RPTOR: variants seen among roughly 807,000 people sequenced by gnomAD.
The protein encoded by RPTOR is regulatory associated protein of MTOR complex 1.
RPTOR carries 21 observed loss-of-function variants against 169.9 expected under a neutral mutation model. The observed-to-expected ratio is 0.12, with a 90% CI of 0.09 to 0.18. The LOEUF (loss-of-function observed/expected upper bound fraction) is 0.18, where lower values mean the gene tolerates loss of function less well. Ranked by LOEUF, RPTOR falls within the 10% of genes least tolerant of loss-of-function variation. The probability of loss-of-function intolerance (pLI) is 1.00; values close to 1 mark genes in which losing one functional copy is unlikely to be tolerated. For missense variants in RPTOR, 1,133 were observed against 1,855.9 expected (o/e 0.61, Z 7.16); for synonymous variants, 732 against 753.2 (o/e 0.97, Z 0.46).
At chr17:80,889,212 G>A (rs1372157973) in intron 17 of RPTOR, among the ~76,000 whole-genome samples, 1 of 152,250 alleles carries the variant, frequency 6.6e-6, no homozygotes, top group Non-Finnish European at 1.5e-5. Flanking sequence ...GAATCCTGGG[G>A]GTTTGGGTCT....
At chr17:80,924,325 G>A (rs548812597) in intron 23 of RPTOR, among the ~76,000 whole-genome samples, 3 of 152,200 alleles carry the variant, frequency 2.0e-5, no homozygotes, top group Admixed American at 6.5e-5. Flanking sequence ...GGTTCAGGGC[G>A]CACCCAGCAC....
chr17:80,898,192 T>C (rs4969291), intron 20 of RPTOR, among the ~76,000 whole-genome samples: 110,485 of 152,092 alleles, frequency 0.73, 40,536 homozygotes, highest in Admixed American at 0.79. Flanking sequence ...CTTCTAGGAT[T>C]TTATTCATTT....
chr17:80,723,766 A>G (rs1276341785), intron 4 of RPTOR, among the ~76,000 whole-genome samples: 2 of 151,398 alleles, frequency 1.3e-5, no homozygotes, highest in Non-Finnish European at 2.9e-5. Flanking sequence ...TGATTTGCGT[A>G]TCTATGTACA....
Position 80,860,605 on chromosome 17 carries a change from G to A in RPTOR, c.1509+2705G>A, listed in dbSNP as rs369883531. Among the ~76,000 whole-genome samples the A allele has an allele frequency of 7.9e-5, 12 of 152,190 alleles. No homozygotes were observed. The highest frequency in any genetic ancestry group is 2.4e-4 in the African/African-American group (10 of 41,526). On this transcript the variant is annotated intron_variant, in intron 13 of 33. Coordinates refer to ENST00000306801, the MANE Select transcript of RPTOR (RefSeq NM_020761.3). This position sits in a 1 kb window ranked among gnomAD's most constrained non-coding sequence, Gnocchi z 5.8. ...GCAGTGGGGAGGCTGCTGCCGAAGCGGACGGTGAGGGCTTCCACCTTGGAG... is the reference window on the plus strand; with the variant it reads ...GCAGTGGGGAGGCTGCTGCCGAAGCAGACGGTGAGGGCTTCCACCTTGGAG...
intron 7 of RPTOR, chr17:80,805,177 A>G (rs2067206087): frequency 6.6e-6 from 1 of 152,290 alleles, no homozygotes; most frequent in South Asian, 2.1e-4. Flanking sequence ...AGCTCAGGAC[A>G]GTCGGGGGAA....
Position 80,621,527 on chromosome 17 carries a change from C to T in RPTOR, c.163-4164C>T, listed in dbSNP as rs575318021. Among the ~76,000 whole-genome samples, 8 of 152,284 alleles carry T rather than the reference C, an allele frequency of 5.3e-5. No homozygotes were observed. In the East Asian group the frequency reaches 9.6e-4, roughly 18 times the overall value. On this transcript the variant is annotated intron_variant, in intron 1 of 33. Coordinates refer to ENST00000306801, the MANE Select transcript of RPTOR (RefSeq NM_020761.3). ...CAGAGGAGGAAGCAGACCCAGCAGCCGCAGAGCCTCTTCACCCAGCGAGCT... is the reference window on the plus strand; with the variant it reads ...CAGAGGAGGAAGCAGACCCAGCAGCTGCAGAGCCTCTTCACCCAGCGAGCT...
chr17:80,903,013 C>G (rs930672224), intron 20 of RPTOR, among the ~76,000 whole-genome samples: 18 of 152,230 alleles, frequency 1.2e-4, no homozygotes, highest in African/African-American at 4.3e-4. Flanking sequence ...GAGGCCTGGG[C>G]TAGATGGGAC....
At chr17:80,670,117 C>T (rs1567848959) in intron 3 of RPTOR, among the ~76,000 whole-genome samples, 1 of 152,212 alleles carries the variant, frequency 6.6e-6, no homozygotes, top group African/African-American at 2.4e-5. Flanking sequence ...AAGTGACTTG[C>T]TCAGTGAAAT....
Position 80,746,238 on chromosome 17 carries a change from C to T in RPTOR, c.655-7772C>T, listed in dbSNP as rs1410020119. On this transcript the variant is annotated intron_variant, in intron 5 of 33. Coordinates refer to ENST00000306801, the MANE Select transcript of RPTOR (RefSeq NM_020761.3). The surrounding 1 kb of genome is among the most constrained non-coding windows in gnomAD (Gnocchi z 4.5). The stretch of plus-strand genomic sequence containing the variant: ...GGTGCTTTCTGCGGGTGATCCCCAC[C>T]GCCCCCACAGCGGTGCTTTCTGCGG... Among the ~76,000 whole-genome samples the T allele has an allele frequency of 4.2e-5, 6 of 141,616 alleles. No homozygotes were observed. Among genetic ancestry groups the T allele is most frequent in the Admixed American group, 7.0e-5 (1 of 14,230 alleles). The allele number at this position is 141,616 out of a possible 152,430, so 92.9% of individuals were successfully genotyped here.
chr17:80,663,299 T>G (rs1426615595), intron 3 of RPTOR, among the ~76,000 whole-genome samples: 1 of 152,220 alleles, frequency 6.6e-6, no homozygotes, highest in Admixed American at 6.5e-5. Context: ...CATATATTTT[T>G]ATTTCTCTTG....
At chr17:80,889,535 G>A (rs77795537) in intron 17 of RPTOR, among the ~76,000 whole-genome samples, 5,403 of 152,230 alleles carry the variant, frequency 0.035, 307 homozygotes, top group African/African-American at 0.12. Flanking sequence ...CAGGGGGAAG[G>A]GGTCACATGA....
At chr17:80,892,677 C>A in intron 18 of RPTOR, 52 bp from the exon 19 acceptor site, 1 of 1,589,358 alleles carries the variant, frequency 6.3e-7, no homozygotes, top group Non-Finnish European at 8.6e-7. Context: ...AGAAGACACG[C>A]TGGCCTCCAC....
intron 1 of RPTOR, among the ~76,000 whole-genome samples, chr17:80,614,611 G>A (rs1290327542): frequency 6.6e-6 from 1 of 152,180 alleles, no homozygotes; most frequent in Non-Finnish European, 1.5e-5. Flanking sequence ...GATAGAGAAT[G>A]TTAAAGAAAA....
chr17:80,842,683 G>C (rs2067684327), intron 10 of RPTOR, among the ~76,000 whole-genome samples: 1 of 152,200 alleles, frequency 6.6e-6, no homozygotes, highest in Non-Finnish European at 1.5e-5. Context: ...GGCCATTTAT[G>C]GTTCCGGCTT....
chr17:80,944,165 G>A (rs2069069528), intron 25 of RPTOR, among the ~76,000 whole-genome samples: 1 of 152,314 alleles, frequency 6.6e-6, no homozygotes, highest in East Asian at 1.9e-4. Flanking sequence ...GGGCCTGGTG[G>A]TTAAGTCCAC....
At chr17:80,882,395 A>G (rs1782488562) in intron 14 of RPTOR, among the ~76,000 whole-genome samples, 1 of 152,376 alleles carries the variant, frequency 6.6e-6, no homozygotes, top group South Asian at 2.1e-4. Flanking sequence ...CATAAAGACA[A>G]ACCTTAAAAG....
At chr17:80,901,496 T>A (rs1329444326) in intron 20 of RPTOR, among the ~76,000 whole-genome samples, 1 of 151,924 alleles carries the variant, frequency 6.6e-6, no homozygotes, top group African/African-American at 2.4e-5. Flanking sequence ...GAAAACAAAG[T>A]CGCCCCTGCA....
intron 20 of RPTOR, among the ~76,000 whole-genome samples, chr17:80,899,156 A>G (rs768167216): frequency 6.6e-6 from 1 of 152,224 alleles, no homozygotes; most frequent in Non-Finnish European, 1.5e-5. Flanking sequence ...GCTGTCCACT[A>G]AAATATGCCA....
In RPTOR at chr17:80,893,649, G is replaced by C. The variant is rs1308285878; in HGVS notation, c.2243-58G>C. 4.1e-5 allele frequency: 63 copies of C among 1,555,518 alleles called. No homozygotes were observed. In the East Asian group the frequency reaches 1.3e-3, roughly 32 times the overall value. ...ATGTATCTCAGTCATGCCATTAACT[G>C]TAAGACCAAAAGGAGGGTCCCGGGA... On this transcript the variant is annotated intron_variant, in intron 19 of 33. Transcript: ENST00000306801.
Sources: gnomAD v4.1 joint callset for allele counts (sites outside exome capture counted in the v4.1 genomes callset) on GRCh38, gnomAD v4.1.1 for gene constraint, Gnocchi (gnomAD v3.1) non-coding constraint, MANE v1.5 for transcripts, NCBI Gene and HGNC (gene_info 2026-07-23, HGNC 2026-07-21) for gene names.